Variants in MCPH1 observed in about 807,000 individuals in gnomAD.
MCPH1 encodes the protein microcephalin.
A neutral mutation model predicts 84.5 loss-of-function variants in MCPH1; 104 were observed. The observed-to-expected ratio is 1.23, with a 90% CI of 1.05 to 1.45. The LOEUF (loss-of-function observed/expected upper bound fraction) is 1.45. Among genes scored for constraint, MCPH1 ranks in the 40% most tolerant of loss-of-function variants. The pLI is 0.00. For missense variants in MCPH1, 1,498 were observed against 1,005.7 expected (o/e 1.49, Z -6.62); for synonymous variants, 514 against 366.8 (o/e 1.40, Z -4.58).
chr8:6,600,892 A>AGG (rs758805335), intron 12 of MCPH1, among the ~76,000 whole-genome samples: 16 of 152,066 alleles, frequency 1.1e-4, no homozygotes, highest in Non-Finnish European at 2.2e-4. Context: ...CAGACATCTC[A>AGG]CCCAGGAGAC....
chr8:6,521,999 C>T (rs1046041364), intron 12 of MCPH1, among the ~76,000 whole-genome samples: 1 of 152,202 alleles, frequency 6.6e-6, no homozygotes, highest in African/African-American at 2.4e-5. Context: ...AATGTCCTCA[C>T]CTGTTAATTA....
intron 12 of MCPH1, among the ~76,000 whole-genome samples, chr8:6,612,751 CCTT>C (rs1830396354): frequency 6.6e-6 from 1 of 152,238 alleles, no homozygotes; most frequent in Non-Finnish European, 1.5e-5. Context: ...ATGTCCTGCT[CCTT>C]CTCCCAGCTG....
intron 11 of MCPH1, among the ~76,000 whole-genome samples, chr8:6,489,685 T>C (rs1810348603): frequency 6.6e-6 from 1 of 152,138 alleles, no homozygotes; most frequent in Non-Finnish European, 1.5e-5. Context: ...GAGAGATTGG[T>C]TGGCAGCGAA....
Position 6,458,730 on chromosome 8 carries a change from C to T in MCPH1, c.1935+3478C>T, listed in dbSNP as rs192455583. Among the ~76,000 whole-genome samples, 37 of 152,096 alleles carry T rather than the reference C, an allele frequency of 2.4e-4. No individual in the cohort carries two copies. The East Asian group carries it at 5.6e-3, about 23-fold the overall frequency. ...TGTTATCTCGGCTCACTGCAACCTC[C>T]GCCTCCTGAATTTAAGCGATTCTCC... On this transcript the variant is annotated intron_variant, in intron 9 of 13. Transcript: ENST00000344683.
At chr8:6,626,698 C>G (rs1408629537) in intron 13 of MCPH1, 1 of 985,040 alleles carries the variant, frequency 1.0e-6, no homozygotes, top group Non-Finnish European at 1.2e-6. Flanking sequence ...AGTCACGAAA[C>G]GAAGACCCTG....
chr8:6,530,835 G>C (rs1819364949), intron 12 of MCPH1, among the ~76,000 whole-genome samples: 1 of 152,192 alleles, frequency 6.6e-6, no homozygotes, highest in South Asian at 2.1e-4. Context: ...GACAATGAAA[G>C]AACAGCTGTG....
chr8:6,489,503 A>T (rs1371284074), intron 11 of MCPH1, among the ~76,000 whole-genome samples: 1 of 152,212 alleles, frequency 6.6e-6, no homozygotes, highest in Non-Finnish European at 1.5e-5. Context: ...GTTGTCAGAG[A>T]CCTTGAAAAA....
At chr8:6,504,037 G>T (rs1444735199) in intron 12 of MCPH1, among the ~76,000 whole-genome samples, 1 of 152,202 alleles carries the variant, frequency 6.6e-6, no homozygotes, top group African/African-American at 2.4e-5. Flanking sequence ...TATAAGCAGG[G>T]GCCGGGCGCA....
intron 12 of MCPH1, among the ~76,000 whole-genome samples, chr8:6,536,658 A>G (rs17552444): frequency 0.22 from 33,460 of 152,162 alleles, 4,785 homozygotes; most frequent in Middle Eastern, 0.39. Context: ...TGTCCATCAT[A>G]TAGTATAAAA....
rs1282867683 is a variant in MCPH1, at chr8:6,505,251, TTA to T, written c.2214+5328_2214+5329del. On this transcript the variant is annotated intron_variant, in intron 12 of 13. Coordinates refer to ENST00000344683, the MANE Select transcript of MCPH1 (RefSeq NM_024596.5). ...TATGTATATATAGAATATATATTCT[TTA>T]TATATGTTTTATATATATGTATACA... Among the ~76,000 whole-genome samples, 2 of 82,220 alleles carry T rather than the reference TTA, an allele frequency of 2.4e-5. 1 individual carries two copies. The highest frequency in any genetic ancestry group is 5.0e-5 in the Non-Finnish European group (2 of 39,908). 53.9% of individuals were successfully genotyped at this position (82,220 alleles called of 152,430 possible). A position where few individuals can be genotyped will look rare whatever the true frequency, so the allele number is the denominator to read the frequency against.
chr8:6,437,760 G>T lies in MCPH1; in HGVS notation c.437-1193G>T, dbSNP rs527383451. Reference sequence around the variant, plus strand: ...TCGTCCTTGACATCTCCTTCTTCCTGACACTAACCCCCATCAAGACCATGG... The same window carrying T: ...TCGTCCTTGACATCTCCTTCTTCCTTACACTAACCCCCATCAAGACCATGG... On this transcript the variant is annotated intron_variant, in intron 5 of 13. Transcript: ENST00000344683. Among the ~76,000 whole-genome samples, 12 of 152,168 alleles carry T rather than the reference G, an allele frequency of 7.9e-5. No individual in the cohort carries two copies. The South Asian group carries it at 1.2e-3, about 16-fold the overall frequency.
chr8:6,623,490 T>A (rs751634), intron 13 of MCPH1, among the ~76,000 whole-genome samples: 116 of 151,388 alleles, frequency 7.7e-4, no homozygotes, highest in Non-Finnish European at 1.6e-3. Flanking sequence ...TTTCTCATCA[T>A]CTGCTCAACA....
chr8:6,413,988 C>G (rs1334590736), intron 2 of MCPH1, among the ~76,000 whole-genome samples: 1 of 152,192 alleles, frequency 6.6e-6, no homozygotes, highest in Non-Finnish European at 1.5e-5. Flanking sequence ...TTTCTGACCT[C>G]ATGATCCACC....
At chr8:6,495,490 C>G (rs544587570) in intron 11 of MCPH1, among the ~76,000 whole-genome samples, 23 of 152,310 alleles carry the variant, frequency 1.5e-4, no homozygotes, top group Admixed American at 9.2e-4. Flanking sequence ...CTAGCAAACT[C>G]TCATAAATGT....
chr8:6,435,816 T>G (rs2979642), intron 4 of MCPH1, among the ~76,000 whole-genome samples: 2 of 152,172 alleles, frequency 1.3e-5, no homozygotes, highest in Non-Finnish European at 2.9e-5. Context: ...TGAAAATGTC[T>G]CACAAAGCAT....
Position 6,452,560 on chromosome 8 carries a change from C to T in MCPH1, c.1826-2583C>T, listed in dbSNP as rs1007052080. On this transcript the variant is annotated intron_variant, in intron 8 of 13. Coordinates refer to ENST00000344683, the MANE Select transcript of MCPH1 (RefSeq NM_024596.5). The stretch of plus-strand genomic sequence containing the variant: ...GTCCTTTGACCCCCACATTTATTTA[C>T]TGAAGGTCTAACCCTCAATGGGATA... Among the ~76,000 whole-genome samples, 4 of 152,354 alleles carry T rather than the reference C, an allele frequency of 2.6e-5. No individual in the cohort carries two copies. The South Asian group carries it at 8.3e-4, about 32-fold the overall frequency.
chr8:6,503,366 G>C, intron 12 of MCPH1: 4 of 1,169,208 alleles, frequency 3.4e-6, no homozygotes, highest in Non-Finnish European at 5.0e-6. Flanking sequence ...CAGGCGTGTG[G>C]AGTAGGCACA....
At chr8:6,630,754 C>T (rs1797096638) in intron 13 of MCPH1, among the ~76,000 whole-genome samples, 1 of 146,494 alleles carries the variant, frequency 6.8e-6, no homozygotes. Context: ...GCACTCCAGC[C>T]TGGGCAACTA....
At chr8:6,526,126 T>G (rs907386955) in intron 12 of MCPH1, among the ~76,000 whole-genome samples, 1 of 151,868 alleles carries the variant, frequency 6.6e-6, no homozygotes, top group Non-Finnish European at 1.5e-5. Context: ...TAAGACTATT[T>G]TAAGAAAACG....
Sources: allele counts gnomAD v4.1 joint callset (sites outside exome capture counted in the v4.1 genomes callset), GRCh38; gene constraint gnomAD v4.1.1; transcripts MANE v1.5; gene names NCBI Gene and HGNC (gene_info 2026-07-23, HGNC 2026-07-21).